Variants in SZT2 observed in about 807,000 individuals in gnomAD.
SZT2 encodes KICSTOR complex protein SZT2.
In SZT2, 216 loss-of-function variants were observed where a neutral mutation model predicts 404.2. The observed-to-expected ratio is 0.53, with a 90% CI of 0.48 to 0.60. The LOEUF (loss-of-function observed/expected upper bound fraction) is 0.60, where lower values mean the gene tolerates loss of function less well. Among genes scored for constraint, SZT2 ranks in the 20% least tolerant of loss-of-function variants. The probability of loss-of-function intolerance (pLI) is 0.00; values close to 1 mark genes in which losing one functional copy is unlikely to be tolerated. For synonymous variants in SZT2, 1,693 were observed against 1,749.9 expected (o/e 0.97, Z 0.81); for missense variants, 3,857 against 4,459.2 (o/e 0.86, Z 3.85).
At chr1:43,403,347 G>A (rs1443929558) in intron 2 of SZT2, 45 bp downstream of exon 2, 1 of 1,589,274 alleles carries the variant, frequency 6.3e-7, no homozygotes, top group Non-Finnish European at 8.6e-7. Context: ...AGCCCAGAAG[G>A]ATCTGTTTTT....
chr1:43,437,973 C>A lies in SZT2; in HGVS notation c.6508+71C>A. The A allele has an allele frequency of 6.8e-7, 1 of 1,466,550 alleles. No homozygotes were observed. Among genetic ancestry groups the A allele is most frequent in the Non-Finnish European group, 9.5e-7 (1 of 1,049,792 alleles). 90.8% of individuals were successfully genotyped at this position (1,466,550 alleles called of 1,614,324 possible). ...GAATCCTCTGGGACTTCTCTTAGAA[C>A]CTTGCAAGCATTACACTAGAAGTTA... On this transcript the variant is annotated intron_variant, in intron 46 of 71. Coordinates refer to ENST00000634258, the MANE Select transcript of SZT2 (RefSeq NM_001365999.1). The surrounding 1 kb of genome is among the most constrained non-coding windows in gnomAD (Gnocchi z 5.3).
Position 43,416,088 on chromosome 1 carries a change from G to C in SZT2, c.759G>C (p.Ser253=). The C allele has an allele frequency of 6.3e-7, 1 of 1,598,296 alleles. No homozygotes were observed. Among genetic ancestry groups the C allele is most frequent in the Non-Finnish European group, 8.5e-7 (1 of 1,179,768 alleles). The change falls in exon 6 of 72, where the codon TCG becomes TCC. Residue 253 remains serine, a synonymous_variant. Transcript: ENST00000634258. ...QGILALQLLP[S]NSSAGIIVIT... ...TCTTGGCACTGCAGTTACTACCCTC[G>C]AACTCTAGTGCAGGTCAGTAGAAGG...
intron 46 of SZT2, among the ~76,000 whole-genome samples, chr1:43,438,452 A>T (rs1654697366): frequency 6.6e-6 from 1 of 152,186 alleles, no homozygotes; most frequent in Non-Finnish European, 1.5e-5. Flanking sequence ...TATGAGGGCG[A>T]TGCTATTATA....
intron 1 of SZT2, among the ~76,000 whole-genome samples, chr1:43,395,369 C>CTCACT (rs1179139396): frequency 6.6e-6 from 1 of 152,116 alleles, no homozygotes; most frequent in Non-Finnish European, 1.5e-5. Context: ...ATGATCATGG[C>CTCACT]TCACTGAAGC....
In SZT2 at chr1:43,421,614, C is replaced by T. The variant is rs72882002; in HGVS notation, c.1626+311C>T. Among the ~76,000 whole-genome samples the T allele has an allele frequency of 7.1e-3, 1,085 of 152,382 alleles. 10 individuals are homozygous for T. The highest frequency in any genetic ancestry group is 0.025 in the African/African-American group (1,030 of 41,592). On this transcript the variant is annotated intron_variant, in intron 11 of 71. Transcript: ENST00000634258. The stretch of plus-strand genomic sequence containing the variant: ...CCATCTCCACGTGACATACTCTGGG[C>T]TTCCCCAGCCGCCTTCACCTGTGTG...
rs1329813278 is a variant in SZT2 at position 43,419,860 on chromosome 1, C to A, written c.1006C>A (p.Leu336Met). 6.9e-6 allele frequency: 11 copies of A among 1,598,470 alleles called. No individual in the cohort carries two copies. The highest frequency in any genetic ancestry group is 9.3e-6 in the Non-Finnish European group (11 of 1,179,806). The change falls in exon 8 of 72, where the codon CTG becomes ATG. Residue 336 changes from leucine (L) to methionine (M), a missense_variant. Physicochemically the swap from Leu to Met is conservative, Grantham distance 15. Coordinates refer to ENST00000634258, the MANE Select transcript of SZT2 (RefSeq NM_001365999.1). Reference protein sequence around the residue: ...STCPEPEPGNLGLTVYHRAFL... With the variant: ...STCPEPEPGNMGLTVYHRAFL... ...TTGTCCTGAGCCGGAGCCAGGCAAC[C>A]TGGGTCTGACTGTCTACCACCGGGC...
At chr1:43,431,563 C>T (rs912126199) in intron 35 of SZT2, 40 bp downstream of exon 35, 36 of 1,612,330 alleles carry the variant, frequency 2.2e-5, no homozygotes, top group Non-Finnish European at 3.1e-5. Context: ...GATTCCCTTT[C>T]CATCGTATGA....
chr1:43,406,763 T>C (rs1054403177), intron 4 of SZT2: 1 of 152,234 alleles, frequency 6.6e-6, no homozygotes. Flanking sequence ...CACTTACTGG[T>C]TGTGTGTCCT....
At chr1:43,399,831 C>T (rs1649471462) in intron 1 of SZT2, among the ~76,000 whole-genome samples, 1 of 152,068 alleles carries the variant, frequency 6.6e-6, no homozygotes, top group Admixed American at 6.6e-5. Context: ...AGCTTAAACT[C>T]ACTCAAAGGA....
intron 4 of SZT2, chr1:43,405,168 T>TTATG (rs1466439771): frequency 6.6e-6 from 1 of 152,264 alleles, no homozygotes; most frequent in East Asian, 1.9e-4. Flanking sequence ...CAGGCCCAGC[T>TTATG]TATTTATTTA....
At chr1:43,445,485 CT>C (rs1250162927) in intron 62 of SZT2, 1 of 231,630 alleles carries the variant, frequency 4.3e-6, no homozygotes, top group African/African-American at 2.8e-5. Context: ...AAGCCTGGAA[CT>C]GCCATCCCCC....
intron 1 of SZT2, among the ~76,000 whole-genome samples, chr1:43,399,548 G>A (rs865874035): frequency 7.4e-4 from 106 of 143,940 alleles, no homozygotes; most frequent in African/African-American, 2.6e-3. Flanking sequence ...TGCAAGCTCC[G>A]CCTCCCGGGT....
chr1:43,443,760 T>C lies in SZT2; in HGVS notation c.8789T>C (p.Val2930Ala). The change falls in exon 62 of 72, where the codon GTG becomes GCG. Residue 2930 changes from valine (V) to alanine (A), a missense_variant. This residue lies in a region of SZT2 where 717 missense variants were observed against 868.2 expected (regional missense o/e 0.83). Transcript: ENST00000634258. ...YVQYLQSIGF[V>A]LVPLRPPSPA... ...CAGTATCTGCAGAGCATAGGTTTTG[T>C]GCTGGTACCACTGCGGCCCCCCTCA... 1 of 1,614,060 alleles carries C rather than the reference T, an allele frequency of 6.2e-7. No individual in the cohort carries two copies. Among genetic ancestry groups the C allele is most frequent in the Non-Finnish European group, 8.5e-7 (1 of 1,180,034 alleles).
In SZT2 at chr1:43,416,544, T is replaced by G. The variant is rs779077199; in HGVS notation, c.782T>G (p.Val261Gly). The change falls in exon 7 of 72, where the codon GTG becomes GGG. Residue 261 changes from valine (V) to glycine (G), a missense_variant. Around this residue, in one of 7 missense-constraint regions of SZT2, gnomAD observed 536 missense variants for 637.4 expected, o/e 0.84. Transcript: ENST00000634258. Reference protein sequence around the residue: ...LPSNSSAGIIVITDGVTSVPD... With the variant: ...LPSNSSAGIIGITDGVTSVPD... ...GTGTTTCCTGCTCCAGGGATTATCG[T>G]GATCACGGATGGGGTGACCAGTGTA... 1 of 1,598,246 alleles carries G rather than the reference T, an allele frequency of 6.3e-7. No homozygotes were observed. Among genetic ancestry groups the G allele is most frequent in the Non-Finnish European group, 8.5e-7 (1 of 1,179,752 alleles).
At chr1:43,435,106 T>C in intron 41 of SZT2, 94 bp from the exon 42 acceptor site, 1 of 1,423,698 alleles carries the variant, frequency 7.0e-7, no homozygotes, top group Non-Finnish European at 9.7e-7. Flanking sequence ...CCAGTGATAG[T>C]GGTCATTCTC....
Position 43,429,768 on chromosome 1 carries a change from C to T in SZT2, c.4232C>T (p.Pro1411Leu), listed in dbSNP as rs1369787856. The T allele has an allele frequency of 2.5e-6, 4 of 1,614,090 alleles. No individual in the cohort carries two copies. Among genetic ancestry groups the T allele is most frequent in the Admixed American group, 3.3e-5 (2 of 60,014 alleles). ...QSTRVPGIPD[P>L]GPEISLTDVC... ...ACCCGTGTCCCTGGCATTCCAGACC[C>T]TGGGCCAGAGATCTCTCTGACAGAT... The change falls in exon 29 of 72, where the codon CCT becomes CTT. Residue 1411 changes from proline (P) to leucine (L), a missense_variant. Transcript: ENST00000634258.
At chr1:43,429,890 G>A (rs1213974155) in intron 29 of SZT2, 46 bp downstream of exon 29, 4 of 1,613,036 alleles carry the variant, frequency 2.5e-6, no homozygotes, top group Middle Eastern at 3.3e-4. Flanking sequence ...AGTCCTGCCT[G>A]TGCAGAGGGA....
In SZT2 at chr1:43,426,978, C is replaced by T. The variant is rs1163460817; in HGVS notation, c.3310-78C>T. 10 of 1,588,812 alleles carry T rather than the reference C, an allele frequency of 6.3e-6. No individual in the cohort carries two copies. Among genetic ancestry groups the T allele is most frequent in the Non-Finnish European group, 8.6e-6 (10 of 1,163,852 alleles). On this transcript the variant is annotated intron_variant, in intron 23 of 71. Coordinates refer to ENST00000634258, the MANE Select transcript of SZT2 (RefSeq NM_001365999.1). The surrounding 1 kb of genome is among the most constrained non-coding windows in gnomAD (Gnocchi z 4.9). ...CTTTCAAGCTATACCTAAGATGAGT[C>T]AGCTCTAGGGTGGAGGAGGGGAACA...
rs1394370528 is a variant in SZT2 at position 43,451,721 on chromosome 1, G to T, written c.*1241G>T. 1.2e-6 allele frequency: 2 copies of T among 1,613,956 alleles called. No individual in the cohort carries two copies. The highest frequency in any genetic ancestry group is 2.7e-5 in the African/African-American group (2 of 74,896). On this transcript the variant is annotated 3_prime_UTR_variant, in exon 72 of 72. Transcript: ENST00000634258. ...TGATCTGCCAGTGGAATATGTCCTA[G>T]GGAAGAGGATACTACATTCCGAGAC...
Sources: gnomAD v4.1 joint callset for allele counts (sites outside exome capture counted in the v4.1 genomes callset) on GRCh38, gnomAD v4.1.1 for gene constraint, gnomAD v4.1.1 regional missense constraint, Gnocchi (gnomAD v3.1) non-coding constraint, MANE v1.5 for transcripts, NCBI Gene and HGNC (gene_info 2026-07-23, HGNC 2026-07-21) for gene names.